PI4K2A: variants seen among roughly 807,000 people sequenced by gnomAD.
The protein encoded by PI4K2A is phosphatidylinositol 4-kinase type 2 alpha.
In PI4K2A, 20 loss-of-function variants were observed where a neutral mutation model predicts 55.0. That is an observed-to-expected ratio of 0.36 (90% CI 0.26 to 0.53). The LOEUF (loss-of-function observed/expected upper bound fraction) is 0.53. Among genes scored for constraint, PI4K2A ranks in the 20% least tolerant of loss-of-function variants. PI4K2A has a pLI of 0.91. For synonymous variants in PI4K2A, 235 were observed against 258.5 expected (o/e 0.91, Z 0.87); for missense variants, 463 against 637.1 (o/e 0.73, Z 2.94).
Position 97,651,152 on chromosome 10 carries a change from C to A in PI4K2A, c.636+11C>A, listed in dbSNP as rs762720834. On this transcript the variant is annotated intron_variant, in intron 2 of 8. Transcript: ENST00000370631. ...GTTCCCCGTACAAAGGTCAGTGACC[C>A]ATCTCCAGGAAGCCTTACTGCCTGG... is the stretch of plus-strand genomic sequence containing the variant. 1.2e-6 allele frequency: 2 copies of A among 1,607,948 alleles called. No homozygotes were observed. Among genetic ancestry groups the A allele is most frequent in the Non-Finnish European group, 1.7e-6 (2 of 1,175,966 alleles).
At chr10:97,654,026 A>C (rs2041541363) in intron 2 of PI4K2A, among the ~76,000 whole-genome samples, 1 of 152,176 alleles carries the variant, frequency 6.6e-6, no homozygotes, top group African/African-American at 2.4e-5. Flanking sequence ...TGTCTCCCCA[A>C]CTCTTGTGAC....
chr10:97,640,775 G>A lies in PI4K2A; in HGVS notation c.33G>A (p.Glu11=), dbSNP rs559095548. ...AGACGAGCCCACTAGTGTCCCCCGA[G>A]CGGGCCCAACCCCCGGACTACACCT... Residue 11 remains glutamate, a synonymous_variant, in exon 1 of 9, where the codon GAG becomes GAA. Coordinates refer to ENST00000370631, the Ensembl canonical transcript of PI4K2A. 23 of 1,510,794 alleles carry A rather than the reference G, an allele frequency of 1.5e-5. 1 individual carries two copies. In the South Asian group the frequency reaches 2.7e-4, roughly 18 times the overall value. The allele number at this position is 1,510,794 out of a possible 1,614,324, so 93.6% of individuals were successfully genotyped here. A position where few individuals can be genotyped will look rare whatever the true frequency, so the allele number is the denominator to read the frequency against.
rs1564772293 is a variant in PI4K2A, at chr10:97,642,855, CTTTCTTTCTTTTTCTTT to C, written c.435+1679_435+1695del. Among the ~76,000 whole-genome samples the C allele has an allele frequency of 2.7e-3, 40 of 14,652 alleles. 2 individuals are homozygous for C. The highest frequency in any genetic ancestry group is 4.4e-3 in the South Asian group (2 of 450). The allele number at this position is 14,652 out of a possible 152,430, so 9.6% of individuals were successfully genotyped here. On this transcript the variant is annotated intron_variant, in intron 1 of 8. Transcript: ENST00000370631. ...CCTTCCTTCCTTCCTTCCTTCCTTT[CTTTCTTTCTTTTTCTTT>C]CTTTCTTTCTTTCTTCCTTCCTTCC...
At chr10:97,646,078 T>G (rs1028546590) in intron 1 of PI4K2A, among the ~76,000 whole-genome samples, 17 of 152,240 alleles carry the variant, frequency 1.1e-4, no homozygotes, top group Admixed American at 6.5e-4. Flanking sequence ...TTTATTTGCC[T>G]TTTTCATTCT....
intron 1 of PI4K2A, 65 bp from the exon 2 acceptor site, chr10:97,650,876 A>T: frequency 8.5e-7 from 1 of 1,170,656 alleles, no homozygotes; most frequent in South Asian, 1.3e-5. Flanking sequence ...ATTCCTGCTG[A>T]CTTGGTCTGT....
At chr10:97,650,978 C>T in exon 2 of PI4K2A, 1 of 1,614,006 alleles carries the variant, frequency 6.2e-7, no homozygotes, top group Non-Finnish European at 8.5e-7. Flanking sequence ...AATGAAGAGC[C>T]CTATGGGCAT....
At chr10:97,652,841 G>A (rs1564774235) in intron 2 of PI4K2A, among the ~76,000 whole-genome samples, 1 of 152,272 alleles carries the variant, frequency 6.6e-6, no homozygotes, top group Middle Eastern at 3.4e-3. Flanking sequence ...TATATTTATA[G>A]TAAGCATTCA....
At chr10:97,641,737 T>C (rs76123274) in intron 1 of PI4K2A, among the ~76,000 whole-genome samples, 4,615 of 152,314 alleles carry the variant, frequency 0.03, 107 homozygotes, top group Non-Finnish European at 0.048. Flanking sequence ...TCATCTGCCC[T>C]GGGTATTGCT....
intron 8 of PI4K2A, among the ~76,000 whole-genome samples, chr10:97,669,299 T>C (rs991442265): frequency 2.6e-5 from 4 of 152,224 alleles, no homozygotes; most frequent in African/African-American, 9.6e-5. Flanking sequence ...AGCCATGTGA[T>C]AGACTCAGAT....
chr10:97,655,667 A>G (rs1406844089), intron 2 of PI4K2A, among the ~76,000 whole-genome samples: 2 of 151,784 alleles, frequency 1.3e-5, no homozygotes, highest in African/African-American at 4.8e-5. Flanking sequence ...CTCTGCCTCC[A>G]AGGTTCAAGC....
intron 2 of PI4K2A, among the ~76,000 whole-genome samples, chr10:97,652,790 C>T (rs1229769192): frequency 2.0e-5 from 3 of 152,226 alleles, no homozygotes; most frequent in Non-Finnish European, 4.4e-5. Flanking sequence ...GAGACCACTT[C>T]TCAAGATTTC....
At chr10:97,657,283 G>GTTTA in intron 4 of PI4K2A, among the ~76,000 whole-genome samples, 1 of 152,124 alleles carries the variant, frequency 6.6e-6, no homozygotes, top group South Asian at 2.1e-4. Flanking sequence ...TGAGGTAGAT[G>GTTTA]TTTAGATCAT....
At chr10:97,663,480 G>A (rs1589937062) in intron 5 of PI4K2A, among the ~76,000 whole-genome samples, 1 of 151,916 alleles carries the variant, frequency 6.6e-6, no homozygotes, top group African/African-American at 2.4e-5. Context: ...GCCTAGGGGA[G>A]AGTGAGATTG....
intron 5 of PI4K2A, among the ~76,000 whole-genome samples, chr10:97,663,516 C>CTT (rs34921397): frequency 2.8e-5 from 4 of 141,776 alleles, no homozygotes; most frequent in Non-Finnish European, 4.6e-5. Flanking sequence ...TCTTTTCTTT[C>CTT]TTTTTTTTTT....
intron 8 of PI4K2A, among the ~76,000 whole-genome samples, chr10:97,672,725 C>CT (rs146627600): frequency 0.013 from 1,106 of 83,876 alleles, 39 homozygotes; most frequent in Non-Finnish European, 0.016. Flanking sequence ...AGGGTCTGTT[C>CT]TTTTTTTTTT....
At chr10:97,641,456 G>C (rs889052131) in intron 1 of PI4K2A, among the ~76,000 whole-genome samples, 6 of 152,178 alleles carry the variant, frequency 3.9e-5, no homozygotes, top group Admixed American at 3.3e-4. Context: ...GCAATCCGCC[G>C]CTGGACAGAG....
rs2041593689 is a variant in PI4K2A at position 97,663,045 on chromosome 10, GTAGTTCATACAAGTTCAGA to G, written c.984+78_984+96del. On this transcript the variant is annotated intron_variant, in intron 5 of 8. Transcript: ENST00000370631. ...AGAAACACATAAAATGGTCAGAGATGTAGTTCATACAAGTTCAGAAGAATCGGGGGGCGCATATGTTTAA... is the reference window on the plus strand; with the variant it reads ...AGAAACACATAAAATGGTCAGAGATGAGAATCGGGGGGCGCATATGTTTAA... The G allele has an allele frequency of 7.2e-6, 7 of 970,134 alleles. No individual in the cohort carries two copies. The Admixed American group carries it at 1.0e-4, about 14-fold the overall frequency. The allele number at this position is 970,134 out of a possible 1,614,324, so 60.1% of individuals were successfully genotyped here.
At chr10:97,662,376 T>C (rs559546304) in intron 4 of PI4K2A, among the ~76,000 whole-genome samples, 1 of 152,312 alleles carries the variant, frequency 6.6e-6, no homozygotes, top group African/African-American at 2.4e-5. Flanking sequence ...TAAGATGTCA[T>C]TGTAAATCCT....
At chr10:97,670,995 G>A (rs979544144) in intron 8 of PI4K2A, among the ~76,000 whole-genome samples, 2 of 152,130 alleles carry the variant, frequency 1.3e-5, no homozygotes, top group African/African-American at 4.8e-5. Context: ...AAATTAGCTG[G>A]GTGTGGTGGT....
Sources: allele counts gnomAD v4.1 joint callset (sites outside exome capture counted in the v4.1 genomes callset), GRCh38; gene constraint gnomAD v4.1.1; transcripts MANE v1.5; gene names NCBI Gene and HGNC (gene_info 2026-07-23, HGNC 2026-07-21).